Variants in SASS6 observed in about 807,000 individuals in gnomAD.
SASS6 encodes spindle assembly abnormal protein 6 homolog.
Under a neutral mutation model 94.9 loss-of-function variants are expected in SASS6, and 59 were observed. The observed-to-expected ratio is 0.62, with a 90% confidence interval of 0.50 to 0.77. The LOEUF (loss-of-function observed/expected upper bound fraction) is 0.77, where lower values mean the gene tolerates loss of function less well. SASS6 is among the 30% of genes least tolerant of loss of function. The pLI is 0.00. For synonymous variants in SASS6, 264 were observed against 270.0 expected (o/e 0.98, Z 0.22); for missense variants, 698 against 734.1 (o/e 0.95, Z 0.57).
At chr1:100,114,205 G>T (rs939963011) in intron 7 of SASS6, among the ~76,000 whole-genome samples, 1 of 151,984 alleles carries the variant, frequency 6.6e-6, no homozygotes, top group African/African-American at 2.4e-5. Flanking sequence ...AGGCCCTCAA[G>T]GTACAGATTA....
chr1:100,132,886 C>T lies in SASS6; in HGVS notation c.-72G>A. On this transcript the variant is annotated 5_prime_UTR_variant, in exon 1 of 17. Coordinates refer to ENST00000287482, the MANE Select transcript of SASS6 (RefSeq NM_194292.3). ...GGCCCTCGGGATTAGCCTGAGAGGT[C>T]CGGGTCCTGATAAAGTTTGAGTTTG... is the stretch of plus-strand genomic sequence containing the variant. 7.2e-7 allele frequency: 1 copy of T among 1,397,776 alleles called. No homozygotes were observed. Among genetic ancestry groups the T allele is most frequent in the Non-Finnish European group, 1.0e-6 (1 of 993,332 alleles). 86.6% of individuals were successfully genotyped at this position (1,397,776 alleles called of 1,614,324 possible).
At chr1:100,091,923 G>A (rs1423539755) in intron 14 of SASS6, among the ~76,000 whole-genome samples, 1 of 144,922 alleles carries the variant, frequency 6.9e-6, no homozygotes. Context: ...TGGGAGGAAT[G>A]CTTGATCCTG....
intron 6 of SASS6, among the ~76,000 whole-genome samples, chr1:100,119,781 T>C (rs946595832): frequency 3.3e-5 from 5 of 152,226 alleles, no homozygotes; most frequent in African/African-American, 1.2e-4. Context: ...CAGCCATGAC[T>C]GTAAACTTCC....
chr1:100,108,684 T>G (rs1653095678), intron 8 of SASS6, among the ~76,000 whole-genome samples: 1 of 152,094 alleles, frequency 6.6e-6, no homozygotes, highest in South Asian at 2.1e-4. Flanking sequence ...GTGACTATAG[T>G]GGTTTTAGGA....
intron 1 of SASS6, among the ~76,000 whole-genome samples, chr1:100,126,718 GT>G (rs1436202125): frequency 1.2e-4 from 19 of 152,158 alleles, no homozygotes; most frequent in African/African-American, 4.6e-4. Flanking sequence ...AGAGGCTGCA[GT>G]GAGCCAATAC....
At chr1:100,094,679 C>A (rs1651986259) in intron 14 of SASS6, among the ~76,000 whole-genome samples, 1 of 151,928 alleles carries the variant, frequency 6.6e-6, no homozygotes, top group African/African-American at 2.4e-5. Context: ...CTAGCCTAGC[C>A]AACAGGGCGA....
chr1:100,101,088 T>C (rs987116153), intron 14 of SASS6, among the ~76,000 whole-genome samples: 1 of 152,164 alleles, frequency 6.6e-6, no homozygotes, highest in African/African-American at 2.4e-5. Context: ...TCCAGTAAGG[T>C]AGAGAAAATT....
intron 2 of SASS6, among the ~76,000 whole-genome samples, chr1:100,123,725 A>T (rs1039978479): frequency 6.6e-6 from 1 of 152,226 alleles, no homozygotes; most frequent in Non-Finnish European, 1.5e-5. Flanking sequence ...AATAATCCAC[A>T]CTAGAAAAAA....
chr1:100,132,897 T>C lies in SASS6; in HGVS notation c.-83A>G, dbSNP rs1655199895. 3 of 1,351,824 alleles carry C rather than the reference T, an allele frequency of 2.2e-6. No individual in the cohort carries two copies. Among genetic ancestry groups the C allele is most frequent in the African/African-American group, 2.9e-5 (2 of 68,950 alleles). 83.7% of individuals were successfully genotyped at this position (1,351,824 alleles called of 1,614,324 possible). A position where few individuals can be genotyped will look rare whatever the true frequency, so the allele number is the denominator to read the frequency against. ...TTAGCCTGAGAGGTCCGGGTCCTGA[T>C]AAAGTTTGAGTTTGGCGCTCGGCTT... On this transcript the variant is annotated 5_prime_UTR_variant, in exon 1 of 17. Coordinates refer to ENST00000287482, the MANE Select transcript of SASS6 (RefSeq NM_194292.3).
chr1:100,127,870 A>C (rs535534813), intron 1 of SASS6, among the ~76,000 whole-genome samples: 1 of 152,024 alleles, frequency 6.6e-6, no homozygotes, highest in Non-Finnish European at 1.5e-5. Flanking sequence ...TTGTAAGATA[A>C]GTGGATTCAA....
chr1:100,120,498 T>C (rs1040651310), intron 5 of SASS6, 39 bp from the exon 6 acceptor site: 2 of 893,552 alleles, frequency 2.2e-6, no homozygotes, highest in African/African-American at 3.3e-5. Context: ...GTTTACAATG[T>C]AATCATCTAT....
chr1:100,101,786 A>G (rs932426167), intron 14 of SASS6, among the ~76,000 whole-genome samples: 2 of 152,224 alleles, frequency 1.3e-5, no homozygotes, highest in African/African-American at 4.8e-5. Flanking sequence ...TTCCAGGCAT[A>G]AAAACTCAGG....
At position 100,102,969 on chromosome 1, in the gene SASS6, C is replaced by G; in HGVS notation, c.1660G>C (p.Gly554Arg). The change falls in exon 14 of 17, where the codon GGT becomes CGT. Residue 554 changes from glycine (G) to arginine (R), a missense_variant. Transcript: ENST00000287482. ...SISAKNTSHPGSGTKVQFNLQ... is the reference protein window; with the variant it reads ...SISAKNTSHPRSGTKVQFNLQ... The stretch of plus-strand genomic sequence containing the variant: ...AATTTGGCTACCTTTGTTCCTGAAC[C>G]AGGGTGGCTGGTATTTTTGGCAGAT... 1.9e-6 allele frequency: 3 copies of G among 1,611,598 alleles called. No individual in the cohort carries two copies. Among genetic ancestry groups the G allele is most frequent in the Non-Finnish European group, 1.7e-6 (2 of 1,178,824 alleles).
At chr1:100,101,333 GTTTT>G in intron 14 of SASS6, among the ~76,000 whole-genome samples, 1 of 145,854 alleles carries the variant, frequency 6.9e-6, no homozygotes, top group East Asian at 2.0e-4. Context: ...CTGTTTTAGG[GTTTT>G]TTTTTTTCCC....
rs371747318 is a variant in SASS6 at position 100,103,696 on chromosome 1, C to T, written c.1546-613G>A. 8.5e-4 allele frequency among the ~76,000 whole-genome samples: 129 copies of T among 152,254 alleles called. 4 individuals carry two copies. In the South Asian group the frequency reaches 0.026, roughly 31 times the overall value. ...TCAGTCATTCAAATTTTAAGCCGGA[C>T]AAAAAATCTTTTTTAAGTTTGTAAT... On this transcript the variant is annotated intron_variant, in intron 13 of 16. Coordinates refer to ENST00000287482, the MANE Select transcript of SASS6 (RefSeq NM_194292.3).
chr1:100,091,578 A>T (rs1406261159), intron 14 of SASS6, among the ~76,000 whole-genome samples: 2 of 150,864 alleles, frequency 1.3e-5, no homozygotes, highest in Non-Finnish European at 2.9e-5. Context: ...CAAATCACCC[A>T]TTATAACCGT....
chr1:100,122,502 AAAGAAATTTTTT>A lies in SASS6; in HGVS notation c.207-30_207-19del, dbSNP rs781299213. The A allele has an allele frequency of 1.2e-5, 13 of 1,126,458 alleles. No individual in the cohort carries two copies. Among genetic ancestry groups the A allele is most frequent in the African/African-American group, 1.6e-5 (1 of 62,544 alleles). 69.8% of individuals were successfully genotyped at this position (1,126,458 alleles called of 1,614,324 possible). On this transcript the variant is annotated intron_variant, in intron 3 of 16. Transcript: ENST00000287482. ...ATTTTAAACTATACAGAAGAAAGGA[AAAGAAATTTTTT>A]AAAAATTTTAATTAACTTTGTTTTG...
At chr1:100,112,643 T>C (rs1433102438) in intron 7 of SASS6, among the ~76,000 whole-genome samples, 1 of 152,238 alleles carries the variant, frequency 6.6e-6, no homozygotes, top group Non-Finnish European at 1.5e-5. Flanking sequence ...CATTATTCCC[T>C]ATAACATTTG....
intron 1 of SASS6, among the ~76,000 whole-genome samples, chr1:100,132,529 GC>G (rs1297170189): frequency 6.6e-6 from 1 of 152,214 alleles, no homozygotes; most frequent in Non-Finnish European, 1.5e-5. Flanking sequence ...CTTGATGTGA[GC>G]CGGCTTCCTA....
Sources: gnomAD v4.1 joint callset for allele counts (sites outside exome capture counted in the v4.1 genomes callset) on GRCh38, gnomAD v4.1.1 for gene constraint, MANE v1.5 for transcripts, NCBI Gene and HGNC (gene_info 2026-07-23, HGNC 2026-07-21) for gene names.